The following BMPER variants were observed in gnomAD, a reference collection of about 807,000 sequenced individuals.
The protein encoded by BMPER is BMP binding endothelial regulator, also known as BMP-binding endothelial regulator protein.
Under a neutral mutation model 87.3 loss-of-function variants are expected in BMPER, and 45 were observed. The observed-to-expected ratio is 0.52, with a 90% CI of 0.41 to 0.66. The LOEUF is 0.66. BMPER is among the 30% of genes least tolerant of loss of function. BMPER has a pLI of 0.00. For missense variants in BMPER, 784 were observed against 867.5 expected (o/e 0.90, Z 1.21); for synonymous variants, 326 against 316.2 (o/e 1.03, Z -0.33).
At chr7:33,964,588 T>C (rs1002575240) in intron 3 of BMPER, among the ~76,000 whole-genome samples, 1 of 152,218 alleles carries the variant, frequency 6.6e-6, no homozygotes, top group Non-Finnish European at 1.5e-5. Context: ...CCTTGCACTG[T>C]GGACCATTTA....
At chr7:34,148,621 C>G (rs574794471) in intron 14 of BMPER, among the ~76,000 whole-genome samples, 1 of 151,384 alleles carries the variant, frequency 6.6e-6, no homozygotes, top group Non-Finnish European at 1.5e-5. Context: ...TTTTTTTTCT[C>G]TAGTAGTTTT....
chr7:34,051,579 G>A (rs1033000242), intron 7 of BMPER, among the ~76,000 whole-genome samples: 2 of 152,142 alleles, frequency 1.3e-5, no homozygotes, highest in African/African-American at 4.8e-5. Context: ...TCCATGAGGG[G>A]AGCTCATGTC....
At chr7:34,012,340 A>C (rs188284335) in intron 6 of BMPER, among the ~76,000 whole-genome samples, 6 of 152,092 alleles carry the variant, frequency 3.9e-5, no homozygotes, top group Admixed American at 3.9e-4. Context: ...TACTCTCAAG[A>C]GTTCTGAAAA....
intron 13 of BMPER, among the ~76,000 whole-genome samples, chr7:34,117,011 A>G (rs1027722464): frequency 3.3e-5 from 5 of 152,076 alleles, no homozygotes. Flanking sequence ...AAAGAAAAGA[A>G]AAAAGCAGAT....
chr7:34,032,718 G>A (rs1437461417), intron 6 of BMPER, among the ~76,000 whole-genome samples: 2 of 152,094 alleles, frequency 1.3e-5, no homozygotes, highest in African/African-American at 2.4e-5. Flanking sequence ...TTTTAAGAAT[G>A]CTTCTGCTTT....
intron 2 of BMPER, among the ~76,000 whole-genome samples, chr7:33,918,705 G>T (rs976671020): frequency 1.1e-4 from 17 of 152,324 alleles, no homozygotes; most frequent in South Asian, 2.1e-4. Flanking sequence ...ATGCCCCTTG[G>T]GGGGAATGGG....
intron 6 of BMPER, among the ~76,000 whole-genome samples, chr7:34,036,956 A>G (rs1051004252): frequency 9.9e-5 from 15 of 152,222 alleles, no homozygotes; most frequent in African/African-American, 3.6e-4. Flanking sequence ...AGGAAGAGCT[A>G]AGATCAAGGA....
chr7:34,065,215 T>A (rs1450101341), intron 11 of BMPER, among the ~76,000 whole-genome samples: 1 of 141,980 alleles, frequency 7.0e-6, no homozygotes, highest in Admixed American at 6.9e-5. Context: ...TCTCTCTCTC[T>A]CTCTCTCTCT....
At chr7:34,046,195 C>CACA in intron 6 of BMPER, 111 bp from the exon 7 acceptor site, 2 of 1,003,298 alleles carry the variant, frequency 2.0e-6, no homozygotes, top group Non-Finnish European at 3.1e-6. Context: ...AGCAGTCAGT[C>CACA]TAGGGACCTA....
intron 3 of BMPER, among the ~76,000 whole-genome samples, chr7:33,941,593 A>G (rs1199456068): frequency 1.3e-5 from 2 of 152,150 alleles, no homozygotes; most frequent in Admixed American, 6.6e-5. Context: ...CACACATTAG[A>G]TTCTCATAAA....
chr7:34,046,300 T>C lies in BMPER; in HGVS notation c.577-6T>C, dbSNP rs1449510297. On this transcript the variant is annotated splice_region_variant and splice_polypyrimidine_tract_variant and intron_variant, in intron 6 of 14. Coordinates refer to ENST00000649409, the MANE Select transcript of BMPER (RefSeq NM_001365308.1). ...AAATATGCTTTTTTTTTCTCTCTTT[T>C]CTTAGGGAGGCAGGACACAATGTGT... The C allele has an allele frequency of 1.2e-6, 2 of 1,613,132 alleles. No individual in the cohort carries two copies. The highest frequency in any genetic ancestry group is 1.7e-5 in the Admixed American group (1 of 60,014).
chr7:33,979,222 T>C lies in BMPER; in HGVS notation c.576+4438T>C, dbSNP rs546142796. On this transcript the variant is annotated intron_variant, in intron 6 of 14. Transcript: ENST00000649409. ...TTGGAATACTAAACCTTTAGCTTTT[T>C]CCCAAACCTATTACTCTGTTTTGCC... Among the ~76,000 whole-genome samples, 74 of 152,116 alleles carry C rather than the reference T, an allele frequency of 4.9e-4. 2 individuals are homozygous for C. The South Asian group carries it at 7.5e-3, about 15-fold the overall frequency.
chr7:33,955,401 A>G (rs1785125969), intron 3 of BMPER, among the ~76,000 whole-genome samples: 1 of 152,194 alleles, frequency 6.6e-6, no homozygotes, highest in Admixed American at 6.5e-5. Context: ...CAGTTCTAAA[A>G]TCATCCCAAG....
At chr7:33,963,543 C>G (rs1785324524) in intron 3 of BMPER, among the ~76,000 whole-genome samples, 1 of 152,204 alleles carries the variant, frequency 6.6e-6, no homozygotes, top group Non-Finnish European at 1.5e-5. Flanking sequence ...CCTGTAATCC[C>G]AGCACTTTGG....
chr7:33,953,817 A>G (rs1191642109), intron 3 of BMPER, among the ~76,000 whole-genome samples: 1 of 152,072 alleles, frequency 6.6e-6, no homozygotes. Flanking sequence ...TCCTCCCCTC[A>G]GCCCTTGGTA....
chr7:33,991,357 G>C (rs1425952299), intron 6 of BMPER, among the ~76,000 whole-genome samples: 2 of 152,128 alleles, frequency 1.3e-5, no homozygotes, highest in Admixed American at 1.3e-4. Flanking sequence ...GAGTGTATGG[G>C]TCCAGGAATT....
intron 9 of BMPER, 100 bp from the exon 10 acceptor site, chr7:34,057,959 C>A (rs1788328067): frequency 9.7e-7 from 1 of 1,028,598 alleles, no homozygotes; most frequent in Non-Finnish European, 1.5e-6. Context: ...GTCCCTCACT[C>A]AGGGCAAGAA....
At chr7:33,995,364 T>G (rs1371088681) in intron 6 of BMPER, among the ~76,000 whole-genome samples, 1 of 151,992 alleles carries the variant, frequency 6.6e-6, no homozygotes, top group Non-Finnish European at 1.5e-5. Context: ...AGAAATACAA[T>G]TAGAAGTGGA....
chr7:34,100,054 C>A (rs2392262), intron 13 of BMPER, among the ~76,000 whole-genome samples: 10 of 152,032 alleles, frequency 6.6e-5, no homozygotes, highest in Non-Finnish European at 1.3e-4. Flanking sequence ...TCCTCCCTCC[C>A]TCCCTCTCTC....
Sources: gnomAD v4.1 joint callset for allele counts (sites outside exome capture counted in the v4.1 genomes callset) on GRCh38, gnomAD v4.1.1 for gene constraint, MANE v1.5 for transcripts, NCBI Gene and HGNC (gene_info 2026-07-23, HGNC 2026-07-21) for gene names.